RAG1: variants seen among roughly 807,000 people sequenced by gnomAD.
RAG1 encodes recombination activating 1.
A neutral mutation model predicts 62.7 loss-of-function variants in RAG1; 35 were observed. The ratio of observed to expected loss-of-function variants is 0.56; its 90% CI spans 0.43 to 0.74. RAG1 has a LOEUF of 0.74. Ranked by LOEUF, RAG1 falls within the 30% of genes least tolerant of loss-of-function variation. RAG1 has a pLI of 0.00. For missense variants in RAG1, 1,169 were observed against 1,278.6 expected, an observed-to-expected ratio of 0.91 and a Z score of 1.31; for synonymous variants, 461 against 470.3, an observed-to-expected ratio of 0.98 and a Z score of 0.26.
At chr11:36,548,256 T>C (rs1850428607) in intron 3 of RAG1, among the ~76,000 whole-genome samples, 1 of 152,158 alleles carries the variant, frequency 6.6e-6, no homozygotes, top group African/African-American at 2.4e-5. Context: ...TTCAACATAG[T>C]ATTGGAAGTT....
At chr11:36,519,090 A>C (rs112415101) in intron 1 of RAG1, among the ~76,000 whole-genome samples, 39 of 152,344 alleles carry the variant, frequency 2.6e-4, no homozygotes, top group African/African-American at 8.9e-4. Context: ...GAAGATTTCT[A>C]AAATGGTTAT....
chr11:36,558,477 CGTT>C (rs762732409), intron 3 of RAG1, among the ~76,000 whole-genome samples: 6 of 152,130 alleles, frequency 3.9e-5, no homozygotes, highest in South Asian at 2.1e-4. Context: ...AATTCACAAT[CGTT>C]GTATCCTCTT....
At chr11:36,530,399 T>C (rs1860234663) in intron 2 of RAG1, among the ~76,000 whole-genome samples, 1 of 151,844 alleles carries the variant, frequency 6.6e-6, no homozygotes, top group South Asian at 2.1e-4. Context: ...TAGCTGTAGG[T>C]TCTTGAAGTA....
rs536637787 is a variant in RAG1, at chr11:36,577,626, A to G, written c.*1190A>G. 14 of 167,130 alleles carry G rather than the reference A, an allele frequency of 8.4e-5. No homozygotes were observed. Among genetic ancestry groups the G allele is most frequent in the Non-Finnish European group, 2.1e-4 (14 of 68,104 alleles). The allele number at this position is 167,130 out of a possible 1,614,324, so 10.4% of individuals were successfully genotyped here. On this transcript the variant is annotated 3_prime_UTR_variant, in exon 2 of 2. Coordinates refer to ENST00000299440, the MANE Select transcript of RAG1 (RefSeq NM_000448.3). ...ACCACTGTGGAATGTTTTCACACTC[A>G]TTTTTCCTTACAACAATTCTGAGGA... is the stretch of plus-strand genomic sequence containing the variant.
chr11:36,521,115 A>C (rs1860073276), intron 2 of RAG1, among the ~76,000 whole-genome samples: 1 of 151,922 alleles, frequency 6.6e-6, no homozygotes, highest in Non-Finnish European at 1.5e-5. Context: ...ATGTGCCACC[A>C]TGCCTGGCAA....
upstream of RAG1, chr11:36,565,684 C>T (rs1420548246): frequency 1.3e-5 from 2 of 152,170 alleles, no homozygotes; most frequent in Non-Finnish European, 2.9e-5. Context: ...TTAAGGTTTG[C>T]TTGTCATGTG....
chr11:36,528,301 C>G (rs1470564987), intron 2 of RAG1, among the ~76,000 whole-genome samples: 2 of 152,154 alleles, frequency 1.3e-5, no homozygotes, highest in African/African-American at 4.8e-5. Context: ...ATCTCTCAGA[C>G]CACAATGCAA....
At chr11:36,550,538 G>T (rs1850466975) in intron 3 of RAG1, among the ~76,000 whole-genome samples, 1 of 152,084 alleles carries the variant, frequency 6.6e-6, no homozygotes, top group Non-Finnish European at 1.5e-5. Context: ...TATTGGTTAG[G>T]ACTTATGGTT....
intron 1 of RAG1, among the ~76,000 whole-genome samples, chr11:36,518,537 C>G (rs1860029324): frequency 6.6e-6 from 1 of 152,292 alleles, no homozygotes; most frequent in African/African-American, 2.4e-5. Context: ...GCCATTCTAA[C>G]AGGTGTGAGA....
intron 3 of RAG1, among the ~76,000 whole-genome samples, chr11:36,559,471 C>G (rs1426857249): frequency 6.6e-6 from 1 of 152,166 alleles, no homozygotes; most frequent in Non-Finnish European, 1.5e-5. Flanking sequence ...CCTTTTCCCT[C>G]TCTTCTTCTC....
chr11:36,512,011 G>A (rs1009416546), intron 1 of RAG1, among the ~76,000 whole-genome samples: 1 of 152,184 alleles, frequency 6.6e-6, no homozygotes, highest in African/African-American at 2.4e-5. Flanking sequence ...GGTGTTCTGT[G>A]TATGTTTCTT....
intron 2 of RAG1, among the ~76,000 whole-genome samples, chr11:36,526,433 A>G (rs1020323236): frequency 6.6e-6 from 1 of 152,108 alleles, no homozygotes; most frequent in Non-Finnish European, 1.5e-5. Flanking sequence ...TTATGGCTGC[A>G]TAGTATTCCA....
chr11:36,527,722 A>G (rs1427319543), intron 2 of RAG1, among the ~76,000 whole-genome samples: 1 of 152,072 alleles, frequency 6.6e-6, no homozygotes, highest in Non-Finnish European at 1.5e-5. Context: ...ATGAGCATGG[A>G]ATGTTTTTCC....
At chr11:36,536,349 T>G (rs896956559), downstream of RAG1, among the ~76,000 whole-genome samples, 1 of 152,182 alleles carries the variant, frequency 6.6e-6, no homozygotes, top group Admixed American at 6.5e-5. Flanking sequence ...TTAACCATCA[T>G]GTTGAATGAA....
At chr11:36,529,238 C>T (rs1860213982) in intron 2 of RAG1, among the ~76,000 whole-genome samples, 1 of 152,104 alleles carries the variant, frequency 6.6e-6, no homozygotes, top group Admixed American at 6.5e-5. Flanking sequence ...ATGTGAAAAT[C>T]CTCAATAAAA....
intron 1 of RAG1, chr11:36,520,088 C>A (rs1461921563): frequency 6.6e-6 from 1 of 152,074 alleles, no homozygotes; most frequent in African/African-American, 2.4e-5. Flanking sequence ...ACCACTATCC[C>A]ACAGTTCCTA....
downstream of RAG1, among the ~76,000 whole-genome samples, chr11:36,537,354 T>C (rs1055706077): frequency 6.6e-6 from 1 of 152,192 alleles, no homozygotes; most frequent in Non-Finnish European, 1.5e-5. Context: ...TCGGAGGTGA[T>C]AAACATATTT....
chr11:36,543,297 C>T (rs1554942397), intron 3 of RAG1, among the ~76,000 whole-genome samples: 1 of 152,208 alleles, frequency 6.6e-6, no homozygotes, highest in Non-Finnish European at 1.5e-5. Context: ...CTCTCAACTA[C>T]TTCTGTGTCC....
chr11:36,576,511 C>T lies in RAG1; in HGVS notation c.*75C>T, dbSNP rs897117597. The T allele has an allele frequency of 1.3e-6, 2 of 1,535,600 alleles. No individual in the cohort carries two copies. The highest frequency in any genetic ancestry group is 1.1e-5 in the South Asian group (1 of 88,708). Reference sequence around the variant, plus strand: ...GTTGCATTGAGGGCTTCTCCTAGCACCCTTTACTGCTGTGTATGGGGCTTC... The same window carrying T: ...GTTGCATTGAGGGCTTCTCCTAGCATCCTTTACTGCTGTGTATGGGGCTTC... On this transcript the variant is annotated 3_prime_UTR_variant, in exon 2 of 2. Coordinates refer to ENST00000299440, the MANE Select transcript of RAG1 (RefSeq NM_000448.3).
Sources: allele counts gnomAD v4.1 joint callset (sites outside exome capture counted in the v4.1 genomes callset), GRCh38; gene constraint gnomAD v4.1.1; transcripts MANE v1.5; gene names NCBI Gene and HGNC (gene_info 2026-07-23, HGNC 2026-07-21).